C8orf74: variants seen among roughly 807,000 people sequenced by gnomAD.
The protein encoded by C8orf74 is uncharacterized protein C8orf74.
C8orf74 carries 29 observed loss-of-function variants against 22.2 expected under a neutral mutation model. The observed-to-expected ratio is 1.31, with a 90% CI of 0.97 to 1.78. The LOEUF is 1.78. Among genes scored for constraint, C8orf74 ranks in the 40% most tolerant of loss-of-function variants. C8orf74 has a pLI of 0.00. For missense variants in C8orf74, 515 were observed against 369.9 expected (o/e 1.39, Z -3.22); for synonymous variants, 255 against 163.1 (o/e 1.56, Z -4.30).
chr8:10,689,128 A>G (rs1350939835), intron 2 of C8orf74: 2 of 152,232 alleles, frequency 1.3e-5, no homozygotes, highest in African/African-American at 2.4e-5. Context: ...CAATGAAAAG[A>G]AATAGACACC....
chr8:10,688,916 G>A (rs953595341), intron 2 of C8orf74: 1 of 152,194 alleles, frequency 6.6e-6, no homozygotes, highest in African/African-American at 2.4e-5. Context: ...TCAAGCAAAG[G>A]TGGCAAGCTC....
intron 2 of C8orf74, among the ~76,000 whole-genome samples, chr8:10,696,172 T>C (rs1799492944): frequency 6.6e-6 from 1 of 151,864 alleles, no homozygotes; most frequent in South Asian, 2.1e-4. Context: ...AAGCAGATGA[T>C]GGGAGAGCCC....
chr8:10,691,874 G>T (rs1236818753), intron 2 of C8orf74: 1 of 152,354 alleles, frequency 6.6e-6, no homozygotes, highest in African/African-American at 2.4e-5. Context: ...ACAAGCCCTG[G>T]GTCCCCCAGC....
chr8:10,686,552 C>T (rs1799265846), intron 2 of C8orf74: 1 of 152,856 alleles, frequency 6.5e-6, no homozygotes, highest in Non-Finnish European at 1.5e-5. Flanking sequence ...CTTTTCAGTA[C>T]AAGAATCTAG....
chr8:10,683,428 C>T (rs988659194), intron 2 of C8orf74, among the ~76,000 whole-genome samples: 7 of 152,222 alleles, frequency 4.6e-5, no homozygotes, highest in African/African-American at 1.7e-4. Context: ...ACTTACTGGT[C>T]AGCCTTGGAG....
intron 2 of C8orf74, among the ~76,000 whole-genome samples, chr8:10,697,114 A>G (rs1467921957): frequency 2.6e-5 from 4 of 152,204 alleles, no homozygotes; most frequent in African/African-American, 9.7e-5. Context: ...GGTACACTCG[A>G]TACCTTTCAA....
Position 10,700,327 on chromosome 8 carries a change from C to G in C8orf74, c.741C>G (p.Ile247Met). 2 of 1,613,914 alleles carry G rather than the reference C, an allele frequency of 1.2e-6. No homozygotes were observed. The highest frequency in any genetic ancestry group is 1.7e-6 in the Non-Finnish European group (2 of 1,179,824). ...GCCAGATCCAGAACACATTCGCCATCTTGGACCTGAAGCTTCAGAAGAAGA... is the reference window on the plus strand; with the variant it reads ...GCCAGATCCAGAACACATTCGCCATGTTGGACCTGAAGCTTCAGAAGAAGA... The part of the protein sequence containing the change: ...LQRQIQNTFA[I>M]LDLKLQKKTL... Residue 247 changes from isoleucine (I) to methionine (M), a missense_variant, in exon 4 of 4, where the codon ATC (isoleucine) becomes ATG (methionine). Coordinates refer to ENST00000304519, the MANE Select transcript of C8orf74 (RefSeq NM_001040032.2).
chr8:10,696,773 T>A (rs1158456698), intron 2 of C8orf74, among the ~76,000 whole-genome samples: 1 of 152,136 alleles, frequency 6.6e-6, no homozygotes, highest in African/African-American at 2.4e-5. Context: ...CTTATGGGAA[T>A]TCCTTTTCTA....
chr8:10,699,037 T>C (rs1799595097), intron 3 of C8orf74, among the ~76,000 whole-genome samples: 1 of 152,120 alleles, frequency 6.6e-6, no homozygotes, highest in Non-Finnish European at 1.5e-5. Context: ...GGGGGCCATG[T>C]GATCTTAGTT....
intron 2 of C8orf74, chr8:10,692,773 T>C (rs1563162828): frequency 6.6e-6 from 1 of 152,234 alleles, no homozygotes; most frequent in African/African-American, 2.4e-5. Flanking sequence ...GAAAGTGCTG[T>C]GGCCGCCCAT....
intron 2 of C8orf74, among the ~76,000 whole-genome samples, chr8:10,679,643 C>T (rs557409834): frequency 2.6e-5 from 4 of 152,328 alleles, no homozygotes; most frequent in South Asian, 2.1e-4. Flanking sequence ...GGCCCCTCCG[C>T]GTTGGGCCTC....
At chr8:10,680,679 C>G (rs1799129915) in intron 2 of C8orf74, among the ~76,000 whole-genome samples, 1 of 152,260 alleles carries the variant, frequency 6.6e-6, no homozygotes, top group African/African-American at 2.4e-5. Context: ...GCTGCCCACA[C>G]TCATGCTTGG....
intron 3 of C8orf74, among the ~76,000 whole-genome samples, chr8:10,700,024 GAGA>G (rs1315925713): frequency 6.6e-6 from 1 of 152,190 alleles, no homozygotes; most frequent in Non-Finnish European, 1.5e-5. Flanking sequence ...AGCCAGTCAG[GAGA>G]AGATGAGGAC....
In C8orf74 at chr8:10,698,289, C is replaced by A. The variant is rs532165635; in HGVS notation, c.648+284C>A. 2.6e-3 allele frequency among the ~76,000 whole-genome samples: 401 copies of A among 152,246 alleles called. 3 individuals carry two copies. Among genetic ancestry groups the A allele is most frequent in the African/African-American group, 8.6e-3 (358 of 41,548 alleles). On this transcript the variant is annotated intron_variant, in intron 3 of 3. Coordinates refer to ENST00000304519, the MANE Select transcript of C8orf74 (RefSeq NM_001040032.2). ...ACATTTGGACTGAGGCCTGGCTGACCCTGAAGTCTAAGTTCCTTCCTCTGT... is the reference window on the plus strand; with the variant it reads ...ACATTTGGACTGAGGCCTGGCTGACACTGAAGTCTAAGTTCCTTCCTCTGT...
chr8:10,689,941 C>T (rs1799338856), intron 2 of C8orf74, among the ~76,000 whole-genome samples: 2 of 152,012 alleles, frequency 1.3e-5, no homozygotes, highest in Admixed American at 6.6e-5. Context: ...TAAGTGGACC[C>T]GCAGGAGTGT....
At chr8:10,694,419 C>T (rs903460630) in intron 2 of C8orf74, among the ~76,000 whole-genome samples, 3 of 152,004 alleles carry the variant, frequency 2.0e-5, no homozygotes, top group African/African-American at 4.8e-5. Context: ...GAGAAAGATC[C>T]GTTCCTTTCT....
chr8:10,690,208 G>A (rs564797847), intron 2 of C8orf74, among the ~76,000 whole-genome samples: 1 of 152,238 alleles, frequency 6.6e-6, no homozygotes, highest in South Asian at 2.1e-4. Flanking sequence ...TTGAGCCTCA[G>A]TTTCTCTCCC....
At chr8:10,676,112 G>T (rs1799027252) in intron 2 of C8orf74, among the ~76,000 whole-genome samples, 1 of 152,126 alleles carries the variant, frequency 6.6e-6, no homozygotes. Flanking sequence ...GGACTGGGAA[G>T]AGTTTCTTTC....
chr8:10,698,226 A>G (rs1256138915), intron 3 of C8orf74, among the ~76,000 whole-genome samples: 1 of 152,014 alleles, frequency 6.6e-6, no homozygotes, highest in African/African-American at 2.4e-5. Flanking sequence ...GAACATTTTA[A>G]CTCGCCAAGG....
Sources: allele counts gnomAD v4.1 joint callset (sites outside exome capture counted in the v4.1 genomes callset), GRCh38; gene constraint gnomAD v4.1.1; transcripts MANE v1.5; gene names NCBI Gene and HGNC (gene_info 2026-07-23, HGNC 2026-07-21).